PAX5: variants seen among roughly 807,000 people sequenced by gnomAD.
PAX5 encodes the protein paired box 5.
PAX5 carries 9 observed loss-of-function variants against 43.7 expected under a neutral mutation model. The observed-to-expected ratio is 0.21, with a 90% CI of 0.12 to 0.36. The LOEUF is 0.36. PAX5 is among the 10% of genes least tolerant of loss of function. PAX5 has a pLI of 1.00. For synonymous variants in PAX5, 228 were observed against 214.3 expected, an observed-to-expected ratio of 1.06 and a Z score of -0.56; for missense variants, 383 against 532.7, an observed-to-expected ratio of 0.72 and a Z score of 2.77.
In PAX5 at chr9:37,000,202, C is replaced by T. The variant is rs3780172; in HGVS notation, c.604+2446G>A. 4.2e-4 allele frequency among the ~76,000 whole-genome samples: 64 copies of T among 152,272 alleles called. 1 individual carries two copies. In the East Asian group the frequency reaches 0.01, roughly 24 times the overall value. On this transcript the variant is annotated intron_variant, in intron 5 of 9. Transcript: ENST00000358127. The stretch of plus-strand genomic sequence containing the variant: ...GAAGGGGGCACTTATGCAATACCCC[C>T]GACAGACACTTCCCTGGTGTGAGCC...
rs115534358 is a variant in PAX5 at position 36,981,889 on chromosome 9, T to C, written c.605-15165A>G. Among the ~76,000 whole-genome samples the C allele has an allele frequency of 7.0e-3, 1,062 of 152,138 alleles. 9 individuals are homozygous for C. The highest frequency in any genetic ancestry group is 0.025 in the African/African-American group (1,039 of 41,500). On this transcript the variant is annotated intron_variant, in intron 5 of 9. Transcript: ENST00000358127. ...AGCTGCTGGATTCCAAGTGAGAGAG[T>C]GCTGTCTGCACAGTGAGCACCTCCT...
At chr9:36,842,160 T>C (rs1822120939) in intron 9 of PAX5, among the ~76,000 whole-genome samples, 1 of 152,190 alleles carries the variant, frequency 6.6e-6, no homozygotes, top group African/African-American at 2.4e-5. Context: ...CTGCCGCCTC[T>C]TCTGTCACCT....
intron 3 of PAX5, among the ~76,000 whole-genome samples, chr9:37,008,357 A>G (rs1838643051): frequency 6.6e-6 from 1 of 152,208 alleles, no homozygotes; most frequent in Non-Finnish European, 1.5e-5. Flanking sequence ...CTCAGCCTCC[A>G]TGTATACAGT....
In PAX5 at chr9:36,966,764, T is replaced by C. The variant is rs188966005; in HGVS notation, c.605-40A>G. On this transcript the variant is annotated intron_variant, in intron 5 of 9. Coordinates refer to ENST00000358127, the MANE Select transcript of PAX5 (RefSeq NM_016734.3). ...AGAGAGGAAGGGTGAGTGGAGGTTA[T>C]ACACGTTGCTAAAGAAAGACAGGTC... 184 of 1,579,504 alleles carry C rather than the reference T, an allele frequency of 1.2e-4. No homozygotes were observed. The African/African-American group carries it at 2.1e-3, about 18-fold the overall frequency.
At chr9:37,013,307 G>T (rs1042132115) in intron 3 of PAX5, among the ~76,000 whole-genome samples, 3 of 152,088 alleles carry the variant, frequency 2.0e-5, no homozygotes, top group Non-Finnish European at 4.4e-5. Flanking sequence ...TCTCCCCATC[G>T]TCTTTTGCCT....
intron 7 of PAX5, among the ~76,000 whole-genome samples, chr9:36,890,120 A>G (rs1237863421): frequency 6.6e-6 from 1 of 152,152 alleles, no homozygotes; most frequent in Non-Finnish European, 1.5e-5. Context: ...TGCAGAATTC[A>G]TTACCCTGAC....
At chr9:37,001,527 G>T (rs1837849458) in intron 5 of PAX5, among the ~76,000 whole-genome samples, 1 of 152,198 alleles carries the variant, frequency 6.6e-6, no homozygotes, top group Non-Finnish European at 1.5e-5. Flanking sequence ...GAAGAGAGAG[G>T]CAAGGCAGGT....
At position 36,835,706 on chromosome 9, in the gene PAX5, T is replaced by G. The variant is rs1821594163; in HGVS notation, c.*4854A>C. The G allele has an allele frequency of 8.6e-6, 2 of 233,120 alleles. No homozygotes were observed. Among genetic ancestry groups the G allele is most frequent in the Non-Finnish European group, 1.7e-5 (2 of 117,992 alleles). The allele number at this position is 233,120 out of a possible 1,614,324, so 14.4% of individuals were successfully genotyped here. ...TCCGAGGCCAAAAGAACGAAAGAAATAGTTTCCCCAGGAGAGCTGGTGTGT... is the reference window on the plus strand; with the variant it reads ...TCCGAGGCCAAAAGAACGAAAGAAAGAGTTTCCCCAGGAGAGCTGGTGTGT... On this transcript the variant is annotated 3_prime_UTR_variant, in exon 10 of 10. Coordinates refer to ENST00000358127, the MANE Select transcript of PAX5 (RefSeq NM_016734.3).
At chr9:36,975,337 C>T (rs1012184371) in intron 5 of PAX5, among the ~76,000 whole-genome samples, 3 of 151,874 alleles carry the variant, frequency 2.0e-5, no homozygotes, top group African/African-American at 7.3e-5. Context: ...GGCCCGGGTT[C>T]GAATTCCAGA....
chr9:36,865,408 A>G (rs1006177507), intron 8 of PAX5, among the ~76,000 whole-genome samples: 1 of 152,210 alleles, frequency 6.6e-6, no homozygotes, highest in Non-Finnish European at 1.5e-5. Flanking sequence ...CGATTCTCCT[A>G]GGTCTTGAGA....
chr9:36,920,242 A>G (rs1830060227), intron 7 of PAX5, among the ~76,000 whole-genome samples: 1 of 152,226 alleles, frequency 6.6e-6, no homozygotes, highest in Admixed American at 6.5e-5. Flanking sequence ...GGTTTGAGAG[A>G]GCTGACTCCA....
intron 5 of PAX5, among the ~76,000 whole-genome samples, chr9:36,991,157 C>G (rs1836907066): frequency 6.6e-6 from 1 of 151,928 alleles, no homozygotes; most frequent in Non-Finnish European, 1.5e-5. Context: ...AATCACAACA[C>G]TCTCCTTTTC....
intron 6 of PAX5, among the ~76,000 whole-genome samples, chr9:36,925,434 G>A (rs1830571291): frequency 6.6e-6 from 1 of 152,160 alleles, no homozygotes; most frequent in Admixed American, 6.5e-5. Flanking sequence ...TTAAGACAGG[G>A]TGGTATTGGC....
At chr9:36,885,241 C>T (rs1295365393) in intron 7 of PAX5, among the ~76,000 whole-genome samples, 4 of 152,164 alleles carry the variant, frequency 2.6e-5, no homozygotes, top group African/African-American at 9.7e-5. Context: ...CCAGCATAAA[C>T]CTGATGACAC....
intron 1 of PAX5, among the ~76,000 whole-genome samples, chr9:37,027,611 C>T (rs563436319): frequency 6.6e-6 from 1 of 152,236 alleles, no homozygotes. Flanking sequence ...GCGTTGCCGC[C>T]GCCGCCGCCG....
chr9:36,863,898 C>T lies in PAX5; in HGVS notation c.1013-16969G>A, dbSNP rs527401406. 2.6e-5 allele frequency among the ~76,000 whole-genome samples: 4 copies of T among 152,350 alleles called. No homozygotes were observed. The East Asian group carries it at 5.8e-4, about 22-fold the overall frequency. ...GGCTAAGGTGGGCGGATCAGGAGGTCAGGAGCTCAAGACCAGCCTGGCCAA... is the reference window on the plus strand; with the variant it reads ...GGCTAAGGTGGGCGGATCAGGAGGTTAGGAGCTCAAGACCAGCCTGGCCAA... On this transcript the variant is annotated intron_variant, in intron 8 of 9. Transcript: ENST00000358127.
chr9:36,915,526 GA>G (rs1332039983), intron 7 of PAX5, among the ~76,000 whole-genome samples: 1 of 151,432 alleles, frequency 6.6e-6, no homozygotes, highest in Admixed American at 6.6e-5. Context: ...GAAACGTTAA[GA>G]AAAAAAAGTC....
intron 7 of PAX5, among the ~76,000 whole-genome samples, chr9:36,894,728 C>T (rs1827700648): frequency 6.6e-6 from 1 of 152,246 alleles, no homozygotes; most frequent in African/African-American, 2.4e-5. Flanking sequence ...TCAGTAAGGC[C>T]ACCATTGTTA....
chr9:36,844,841 C>G (rs747252997), intron 9 of PAX5, among the ~76,000 whole-genome samples: 5 of 152,220 alleles, frequency 3.3e-5, no homozygotes, highest in Admixed American at 6.5e-5. Flanking sequence ...AGGGGCCACT[C>G]TGCACACTCC....
Sources: gnomAD v4.1 joint callset for allele counts (sites outside exome capture counted in the v4.1 genomes callset) on GRCh38, gnomAD v4.1.1 for gene constraint, MANE v1.5 for transcripts, NCBI Gene and HGNC (gene_info 2026-07-23, HGNC 2026-07-21) for gene names.